Variants in FAM153A observed in about 807,000 individuals in gnomAD.
FAM153A encodes family with sequence similarity 153 member A.
Under a neutral mutation model 48.1 loss-of-function variants are expected in FAM153A, and 12 were observed. The ratio of observed to expected loss-of-function variants is 0.25; its 90% CI spans 0.16 to 0.40. The LOEUF (loss-of-function observed/expected upper bound fraction) is 0.40, where lower values mean the gene tolerates loss of function less well. Among genes scored for constraint, FAM153A ranks in the 10% least tolerant of loss-of-function variants. The pLI is 1.00. For missense variants in FAM153A, 111 were observed against 345.8 expected (o/e 0.32, Z 5.38); for synonymous variants, 36 against 118.2 (o/e 0.30, Z 4.51).
At chr5:177,753,221 G>A (rs140590079), upstream of FAM153A, 27,194 of 1,607,538 alleles carry the variant, frequency 0.017, 984 homozygotes, top group African/African-American at 0.13. Flanking sequence ...AGTCCTCTGA[G>A]ACAACTAAGC....
downstream of FAM153A, among the ~76,000 whole-genome samples, chr5:177,705,813 C>A (rs1311941243): frequency 6.6e-6 from 1 of 150,930 alleles, no homozygotes; most frequent in Admixed American, 6.6e-5. Flanking sequence ...GTGCACACCA[C>A]CATGCCCAGC....
upstream of FAM153A, among the ~76,000 whole-genome samples, chr5:177,757,705 A>G (rs1216700250): frequency 1.3e-5 from 2 of 151,446 alleles, no homozygotes; most frequent in Non-Finnish European, 2.9e-5. Flanking sequence ...TCCAGCATAT[A>G]AACAGAACCA....
At chr5:177,694,926 G>C in the FAM153A span, among the ~76,000 whole-genome samples, 5 of 151,850 alleles carry the variant, frequency 3.3e-5, no homozygotes, top group African/African-American at 9.7e-5. Context: ...TGTAATTTTA[G>C]GTTTTTTATT....
chr5:177,708,998 G>C (rs1468517101), downstream of FAM153A, among the ~76,000 whole-genome samples: 1 of 147,554 alleles, frequency 6.8e-6, no homozygotes, highest in Non-Finnish European at 1.5e-5. Context: ...GGGAGGCTGG[G>C]GCAGGAGAAT....
At chr5:177,757,856 C>T (rs1489278581), upstream of FAM153A, among the ~76,000 whole-genome samples, 2 of 151,358 alleles carry the variant, frequency 1.3e-5, no homozygotes, top group South Asian at 2.1e-4. Context: ...GTATGACAAA[C>T]CCACAGCCAA....
In FAM153A at chr5:177,766,340, G is replaced by T. The variant is rs4577704; in HGVS notation, c.-57+14109C>A. ...TAAAGTACTAGAGGTTATTTTAATTGGTCCTATGATTCCTTAAAATTCTGT... is the reference window on the plus strand; with the variant it reads ...TAAAGTACTAGAGGTTATTTTAATTTGTCCTATGATTCCTTAAAATTCTGT... On this transcript the variant is annotated intron_variant, in intron 1 of 8. Coordinates refer to the FAM153A transcript ENST00000393518. Among the ~76,000 whole-genome samples, 22 of 92,184 alleles carry T rather than the reference G, an allele frequency of 2.4e-4. No homozygotes were observed. The East Asian group carries it at 5.3e-3, about 22-fold the overall frequency. The allele number at this position is 92,184 out of a possible 152,430, so 60.5% of individuals were successfully genotyped here.
exon 21 of FAM153A, chr5:177,724,096 C>T: frequency 6.2e-7 from 1 of 1,611,364 alleles, no homozygotes; most frequent in Non-Finnish European, 8.5e-7. Context: ...GCATCCTTCA[C>T]TTGCCTTCAG....
At chr5:177,714,222 C>T (rs1759123446) in intron 25 of FAM153A, 1 of 150,672 alleles carries the variant, frequency 6.6e-6, no homozygotes, top group Non-Finnish European at 1.5e-5. Flanking sequence ...AATATATTAA[C>T]AAATAGCACA....
chr5:177,757,047 A>C (rs373969812), upstream of FAM153A, among the ~76,000 whole-genome samples: 5 of 97,222 alleles, frequency 5.1e-5, 1 homozygote, highest in South Asian at 1.4e-3. Context: ...TGAATCCAGG[A>C]GCTGGTTTTT....
chr5:177,746,613 TA>T (rs1766046271), intron 4 of FAM153A, among the ~76,000 whole-genome samples: 1 of 151,038 alleles, frequency 6.6e-6, no homozygotes, highest in African/African-American at 2.5e-5. Flanking sequence ...AGATGACCTC[TA>T]CTTAGCCTGT....
In FAM153A at chr5:177,778,775, C is replaced by G. The variant is rs1399482516; in HGVS notation, c.-57+1674G>C. Reference sequence around the variant, plus strand: ...ACTGGCAACAGAGGGGGACCTGTCTCAAAAAATAATAATAATAAAAATGAA... The same window carrying G: ...ACTGGCAACAGAGGGGGACCTGTCTGAAAAAATAATAATAATAAAAATGAA... On this transcript the variant is annotated intron_variant, in intron 1 of 8. Coordinates refer to the FAM153A transcript ENST00000393518. Among the ~76,000 whole-genome samples the G allele has an allele frequency of 1.8e-4, 18 of 99,310 alleles. 4 individuals are homozygous for G. In the South Asian group the frequency reaches 3.9e-3, roughly 22 times the overall value. The allele number at this position is 99,310 out of a possible 152,430, so 65.2% of individuals were successfully genotyped here. A position where few individuals can be genotyped will look rare whatever the true frequency, so the allele number is the denominator to read the frequency against.
chr5:177,781,264 A>ATTT (rs1303137176), upstream of FAM153A, among the ~76,000 whole-genome samples: 460 of 75,246 alleles, frequency 6.1e-3, 5 homozygotes, highest in African/African-American at 0.018. Context: ...ACGCCCGGCT[A>ATTT]TTTTTTTTTT....
intron 1 of FAM153A, among the ~76,000 whole-genome samples, chr5:177,759,513 AC>A (rs1768095263): frequency 6.6e-6 from 1 of 151,776 alleles, no homozygotes; most frequent in African/African-American, 2.4e-5. Context: ...AGACATGCAC[AC>A]GTATGTTTAT....
At chr5:177,705,264 A>G (rs1171469645), downstream of FAM153A, among the ~76,000 whole-genome samples, 1 of 151,718 alleles carries the variant, frequency 6.6e-6, no homozygotes, top group Non-Finnish European at 1.5e-5. Flanking sequence ...AGATCATGCC[A>G]CTATACTCCA....
At chr5:177,778,109 G>T (rs1386497047) in intron 1 of FAM153A, among the ~76,000 whole-genome samples, 3 of 21,926 alleles carry the variant, frequency 1.4e-4, no homozygotes, top group Non-Finnish European at 2.3e-4. Flanking sequence ...TGGGGACTGT[G>T]GTGGGGTCGG....
rs1315747040 is a variant in FAM153A, at chr5:177,779,795, TTTTC to T, written c.-57+650_-57+653del. The T allele has an allele frequency of 6.7e-4, 16 of 23,756 alleles. 1 individual carries two copies. The highest frequency in any genetic ancestry group is 4.2e-4 in the Non-Finnish European group (5 of 12,002). The allele number at this position is 23,756 out of a possible 1,614,324, so 1.5% of individuals were successfully genotyped here. The stretch of plus-strand genomic sequence containing the variant: ...AAAGTCAATATATTTTTCCTGCAGA[TTTTC>T]TTTCTAACAGCTTCACTTGTCTAGC... On this transcript the variant is annotated intron_variant, in intron 1 of 8. Transcript: ENST00000393518.
intron 1 of FAM153A, among the ~76,000 whole-genome samples, chr5:177,764,381 T>G (rs1768553868): frequency 6.6e-6 from 1 of 150,888 alleles, no homozygotes; most frequent in African/African-American, 2.5e-5. Flanking sequence ...TGGGCCCAAG[T>G]GAGGGCGACT....
intron 11 of FAM153A, 123 bp from the exon 14 acceptor site, chr5:177,736,732 T>A (rs1764722272): frequency 2.3e-6 from 2 of 871,114 alleles, no homozygotes; most frequent in Non-Finnish European, 3.2e-6. Flanking sequence ...ATGGCCCCGA[T>A]ATCTAGAAGA....
In FAM153A at chr5:177,734,068, G is replaced by A. The variant is rs574444871; in HGVS notation, c.760+312C>T. Among the ~76,000 whole-genome samples, 3 of 118,282 alleles carry A rather than the reference G, an allele frequency of 2.5e-5. 1 individual carries two copies. The East Asian group carries it at 8.9e-4, about 35-fold the overall frequency. The allele number at this position is 118,282 out of a possible 152,430, so 77.6% of individuals were successfully genotyped here. Reference sequence around the variant, plus strand: ...TGGACACTAGAAAATCCGGGGATATGTAGTACGGAAACCCACACACACACC... The same window carrying A: ...TGGACACTAGAAAATCCGGGGATATATAGTACGGAAACCCACACACACACC... On this transcript the variant is annotated intron_variant, in intron 14 of 20. Transcript: ENST00000614127.
Sources: allele counts gnomAD v4.1 joint callset (sites outside exome capture counted in the v4.1 genomes callset), GRCh38; gene constraint gnomAD v4.1.1; transcripts MANE v1.5; gene names NCBI Gene and HGNC (gene_info 2026-07-23, HGNC 2026-07-21).